ARMH4: variants seen among roughly 807,000 people sequenced by gnomAD.
The protein encoded by ARMH4 is armadillo-like helical domain-containing protein 4.
In ARMH4, 49 loss-of-function variants were observed where a neutral mutation model predicts 61.9. That is an observed-to-expected ratio of 0.79 (90% CI 0.63 to 1.00). The LOEUF (loss-of-function observed/expected upper bound fraction) is 1.00, where lower values mean the gene tolerates loss of function less well. Among genes scored for constraint, ARMH4 ranks in the 50% least tolerant of loss-of-function variants. ARMH4 has a pLI of 0.00. For synonymous variants in ARMH4, 368 were observed against 341.5 expected (o/e 1.08, Z -0.85); for missense variants, 934 against 930.0 (o/e 1.00, Z -0.06).
chr14:58,020,668 C>T (rs1271397835), intron 5 of ARMH4, among the ~76,000 whole-genome samples: 1 of 152,148 alleles, frequency 6.6e-6, no homozygotes, highest in Non-Finnish European at 1.5e-5. Flanking sequence ...CTCTTAGTTC[C>T]ATGTTCGCCA....
intron 5 of ARMH4, among the ~76,000 whole-genome samples, chr14:58,070,668 G>C (rs1884854848): frequency 6.6e-6 from 1 of 152,138 alleles, no homozygotes; most frequent in Admixed American, 6.5e-5. Context: ...GGAGAAGAAT[G>C]GGGTATCCAT....
intron 4 of ARMH4, among the ~76,000 whole-genome samples, chr14:58,117,296 C>CTAAT (rs1318811751): frequency 6.6e-6 from 1 of 152,156 alleles, no homozygotes; most frequent in Non-Finnish European, 1.5e-5. Context: ...TTTTCTTCAG[C>CTAAT]TAATTAGACA....
chr14:58,009,195 CAAG>C (rs746819196), intron 6 of ARMH4, among the ~76,000 whole-genome samples: 3 of 152,062 alleles, frequency 2.0e-5, no homozygotes, highest in Non-Finnish European at 4.4e-5. Flanking sequence ...TAAGTTTCAC[CAAG>C]AAGATGATAT....
At chr14:58,009,011 A>T (rs1882287113) in intron 6 of ARMH4, among the ~76,000 whole-genome samples, 1 of 152,254 alleles carries the variant, frequency 6.6e-6, no homozygotes, top group Non-Finnish European at 1.5e-5. Flanking sequence ...CTTGCCTAAC[A>T]AGGATCACCA....
chr14:58,022,247 C>T (rs551855425), intron 5 of ARMH4, among the ~76,000 whole-genome samples: 157 of 152,208 alleles, frequency 1.0e-3, no homozygotes, highest in South Asian at 9.3e-3. Context: ...TCTTCCCCAC[C>T]GCCACTCTCC....
Position 58,138,904 on chromosome 14 carries a change from G to T in ARMH4, c.455C>A (p.Thr152Asn). The change falls in exon 2 of 8, where the codon ACT becomes AAT. Residue 152 changes from threonine (T) to asparagine (N), a missense_variant. Coordinates refer to ENST00000267485, the MANE Select transcript of ARMH4 (RefSeq NM_001001872.4). ...CTTTTCATCAACAGTCAGAGAAGGAGTCGCAGTGATAGCAATGGTTAACAT... is the reference window on the plus strand; with the variant it reads ...CTTTTCATCAACAGTCAGAGAAGGATTCGCAGTGATAGCAATGGTTAACAT... Reference protein sequence around the residue: ...KAMLTIAITATPSLTVDEKEE... With the variant: ...KAMLTIAITANPSLTVDEKEE... The T allele has an allele frequency of 6.2e-7, 1 of 1,614,236 alleles. No homozygotes were observed. The highest frequency in any genetic ancestry group is 2.2e-5 in the East Asian group (1 of 44,886).
chr14:58,073,162 C>A (rs1884939955), intron 5 of ARMH4, among the ~76,000 whole-genome samples: 2 of 151,944 alleles, frequency 1.3e-5, no homozygotes, highest in Non-Finnish European at 2.9e-5. Flanking sequence ...GAATTTGCCC[C>A]ATAAAAATAT....
At chr14:58,064,791 A>G (rs1279231805) in intron 5 of ARMH4, among the ~76,000 whole-genome samples, 1 of 152,202 alleles carries the variant, frequency 6.6e-6, no homozygotes, top group African/African-American at 2.4e-5. Flanking sequence ...TTTGGGATCA[A>G]AAAAATGTTT....
At chr14:58,117,925 AT>A (rs1189549234) in intron 4 of ARMH4, among the ~76,000 whole-genome samples, 2 of 117,266 alleles carry the variant, frequency 1.7e-5, no homozygotes, top group East Asian at 4.4e-4. Flanking sequence ...CACCCAGCTA[AT>A]TAAAAAAAAA....
rs773245932 is a variant in ARMH4, at chr14:58,001,874, C to G, written c.*2862G>C. The G allele has an allele frequency of 6.6e-6, 1 of 152,064 alleles. No individual in the cohort carries two copies. Among genetic ancestry groups the G allele is most frequent in the Non-Finnish European group, 1.5e-5 (1 of 68,030 alleles). The allele number at this position is 152,064 out of a possible 1,614,324, so 9.4% of individuals were successfully genotyped here. On this transcript the variant is annotated 3_prime_UTR_variant, in exon 8 of 8. Coordinates refer to ENST00000267485, the MANE Select transcript of ARMH4 (RefSeq NM_001001872.4). ...GAAGAAGACCTAGTTCCTGCCCCTG[C>G]GGTGGGATGCTGGCAGTTCTGGCTG...
intron 5 of ARMH4, among the ~76,000 whole-genome samples, chr14:58,084,595 C>T (rs367976451): frequency 1.3e-5 from 2 of 152,180 alleles, no homozygotes; most frequent in African/African-American, 4.8e-5. Flanking sequence ...CTGTTCCAAA[C>T]AGTCACTATC....
Position 58,138,831 on chromosome 14 carries a change from G to A in ARMH4, c.528C>T (p.Ile176=), listed in dbSNP as rs1887420111. 2 of 1,614,198 alleles carry A rather than the reference G, an allele frequency of 1.2e-6. No individual in the cohort carries two copies. Among genetic ancestry groups the A allele is most frequent in the Non-Finnish European group, 8.5e-7 (1 of 1,180,034 alleles). ...TCAGAAAACCTTTTGTGGTTTCTGT[G>A]ATCTCTTCTACAATGGGCTGAAAGT... ...STNFQPIVEE[I]TETTKGFLKY... Residue 176 remains isoleucine, a synonymous_variant, in exon 2 of 8, where the codon ATC becomes ATT. Transcript: ENST00000267485.
At chr14:58,093,335 A>C (rs1885636283) in intron 5 of ARMH4, among the ~76,000 whole-genome samples, 1 of 152,120 alleles carries the variant, frequency 6.6e-6, no homozygotes, top group Admixed American at 6.5e-5. Flanking sequence ...CTGGGACTAC[A>C]GGCACATACC....
At chr14:58,082,127 T>G (rs921099028) in intron 5 of ARMH4, among the ~76,000 whole-genome samples, 1 of 152,244 alleles carries the variant, frequency 6.6e-6, no homozygotes, top group East Asian at 1.9e-4. Flanking sequence ...TCAAAGATTA[T>G]GCTGACAACC....
At chr14:58,006,336 T>A (rs1165113429) in intron 6 of ARMH4, among the ~76,000 whole-genome samples, 1 of 152,224 alleles carries the variant, frequency 6.6e-6, no homozygotes, top group Non-Finnish European at 1.5e-5. Flanking sequence ...TTTTTAAATT[T>A]TTAATACAGC....
At chr14:58,079,520 CTGT>C (rs1885153739) in intron 5 of ARMH4, among the ~76,000 whole-genome samples, 2 of 152,190 alleles carry the variant, frequency 1.3e-5, no homozygotes, top group African/African-American at 2.4e-5. Context: ...CCTCTCAACA[CTGT>C]TGCAATGGGG....
chr14:58,144,467 C>T (rs576724467), intron 1 of ARMH4, among the ~76,000 whole-genome samples: 1 of 152,126 alleles, frequency 6.6e-6, no homozygotes, highest in Admixed American at 6.6e-5. Context: ...ATCACTTGAG[C>T]CCAGAAAGTC....
intron 5 of ARMH4, among the ~76,000 whole-genome samples, chr14:58,032,838 T>C (rs1003597190): frequency 2.6e-5 from 4 of 152,162 alleles, no homozygotes; most frequent in Non-Finnish European, 4.4e-5. Flanking sequence ...ATTGCGCTTT[T>C]CAGACCGGCT....
At chr14:58,099,476 T>C (rs1446384922) in intron 4 of ARMH4, among the ~76,000 whole-genome samples, 1 of 152,066 alleles carries the variant, frequency 6.6e-6, no homozygotes, top group Non-Finnish European at 1.5e-5. Context: ...CCCTCTGGCT[T>C]GGACATTGGG....
Sources: gnomAD v4.1 joint callset for allele counts (sites outside exome capture counted in the v4.1 genomes callset) on GRCh38, gnomAD v4.1.1 for gene constraint, MANE v1.5 for transcripts, NCBI Gene and HGNC (gene_info 2026-07-23, HGNC 2026-07-21) for gene names.